EXOC6: variants seen among roughly 807,000 people sequenced by gnomAD.
EXOC6 encodes the protein exocyst complex component 6.
A neutral mutation model predicts 112.5 loss-of-function variants in EXOC6; 60 were observed. That is an observed-to-expected ratio of 0.53 (90% CI 0.43 to 0.66). The LOEUF (loss-of-function observed/expected upper bound fraction) is 0.66, where lower values mean the gene tolerates loss of function less well. Ranked by LOEUF, EXOC6 falls within the 30% of genes least tolerant of loss-of-function variation. The probability of loss-of-function intolerance (pLI) is 0.00; values close to 1 mark genes in which losing one functional copy is unlikely to be tolerated. For synonymous variants in EXOC6, 295 were observed against 308.0 expected, an observed-to-expected ratio of 0.96 and a Z score of 0.44; for missense variants, 855 against 957.1, an observed-to-expected ratio of 0.89 and a Z score of 1.41.
chr10:92,971,731 T>C (rs1439993930), intron 17 of EXOC6, among the ~76,000 whole-genome samples: 2 of 152,196 alleles, frequency 1.3e-5, no homozygotes, highest in African/African-American at 4.8e-5. Context: ...TAATTTTCTT[T>C]TAGTTCTTTA....
chr10:92,910,855 G>A (rs1850709539), intron 6 of EXOC6, among the ~76,000 whole-genome samples: 1 of 119,634 alleles, frequency 8.4e-6, no homozygotes, highest in African/African-American at 3.2e-5. Flanking sequence ...CGTGAACCCA[G>A]GAAGCGGAGC....
At chr10:92,899,713 T>C in intron 5 of EXOC6, 69 bp downstream of exon 5, 1 of 1,118,114 alleles carries the variant, frequency 8.9e-7, no homozygotes, top group Non-Finnish European at 1.3e-6. Flanking sequence ...CAGATACATT[T>C]ACTATAAATC....
At chr10:92,867,901 T>G (rs1312058151) in intron 1 of EXOC6, among the ~76,000 whole-genome samples, 1 of 152,200 alleles carries the variant, frequency 6.6e-6, no homozygotes, top group Non-Finnish European at 1.5e-5. Context: ...TTTATAAAGT[T>G]GTAAAATAGC....
intron 18 of EXOC6, among the ~76,000 whole-genome samples, chr10:92,980,740 A>T (rs1240377005): frequency 6.6e-6 from 1 of 152,238 alleles, no homozygotes; most frequent in Non-Finnish European, 1.5e-5. Flanking sequence ...TACCCTTGGA[A>T]ATCATGCCAA....
At chr10:92,896,171 ATATATATATATT>A (rs1849791587) in intron 4 of EXOC6, among the ~76,000 whole-genome samples, 3 of 25,222 alleles carry the variant, frequency 1.2e-4, no homozygotes, top group East Asian at 2.3e-3. Context: ...ATATATATAT[ATATATATATATT>A]TTTTTTTTTT....
At chr10:93,019,227 G>T (rs111948192) in intron 20 of EXOC6, among the ~76,000 whole-genome samples, 1 of 151,972 alleles carries the variant, frequency 6.6e-6, no homozygotes, top group Non-Finnish European at 1.5e-5. Flanking sequence ...CAATCCACCC[G>T]CCTCGGCCTC....
chr10:93,016,633 G>A (rs1375965152), intron 20 of EXOC6, among the ~76,000 whole-genome samples: 1 of 152,152 alleles, frequency 6.6e-6, no homozygotes, highest in African/African-American at 2.4e-5. Flanking sequence ...TGTCAAATAA[G>A]AAATGGTATT....
intron 21 of EXOC6, 129 bp downstream of exon 21, chr10:93,057,165 A>G: frequency 2.0e-6 from 1 of 502,888 alleles, no homozygotes; most frequent in South Asian, 4.0e-5. Flanking sequence ...CTCTAGTTTA[A>G]TGACCAAAAA....
chr10:93,044,824 T>C (rs1007686411), intron 20 of EXOC6, among the ~76,000 whole-genome samples: 2 of 152,168 alleles, frequency 1.3e-5, no homozygotes, highest in South Asian at 2.1e-4. Flanking sequence ...AATAAGAGAA[T>C]AAGGTGCCTC....
chr10:92,992,286 T>TTA (rs1564892831), intron 18 of EXOC6, among the ~76,000 whole-genome samples: 6 of 24,566 alleles, frequency 2.4e-4, no homozygotes, highest in African/African-American at 8.0e-4. Flanking sequence ...AGACTCTGTC[T>TTA]CAAAAAAAAA....
chr10:92,991,725 TTCTCTCTCTCTC>T (rs72252880), intron 18 of EXOC6, among the ~76,000 whole-genome samples: 4 of 149,002 alleles, frequency 2.7e-5, no homozygotes, highest in East Asian at 2.0e-4. Flanking sequence ...CACGTTCTAT[TTCTCTCTCTCTC>T]TCTCTCTCTC....
intron 1 of EXOC6, among the ~76,000 whole-genome samples, chr10:92,885,824 T>TTTTA (rs962493497): frequency 2.6e-5 from 4 of 152,156 alleles, no homozygotes; most frequent in South Asian, 2.1e-4. Flanking sequence ...ACAAATTTTA[T>TTTTA]TTTATTTATT....
upstream of EXOC6, among the ~76,000 whole-genome samples, chr10:92,847,426 G>A (rs565700514): frequency 2.0e-5 from 3 of 152,322 alleles, no homozygotes; most frequent in South Asian, 6.2e-4. Context: ...GGATGTTTGT[G>A]GGGAGGAGGC....
At chr10:92,864,133 T>C (rs1848052402) in intron 1 of EXOC6, among the ~76,000 whole-genome samples, 2 of 152,064 alleles carry the variant, frequency 1.3e-5, no homozygotes, top group African/African-American at 4.8e-5. Flanking sequence ...AAAGTCCCTA[T>C]GAAACACAGA....
rs75280156 is a variant in EXOC6, at chr10:93,014,808, G to A, written c.2169+541G>A. Reference sequence around the variant, plus strand: ...CTTTTCTGGCCACAATACTCTAAGTGTAGTAACAAATATGGTCATTTAAAA... The same window carrying A: ...CTTTTCTGGCCACAATACTCTAAGTATAGTAACAAATATGGTCATTTAAAA... On this transcript the variant is annotated intron_variant, in intron 20 of 21. Coordinates refer to ENST00000260762, the MANE Select transcript of EXOC6 (RefSeq NM_019053.6). Among the ~76,000 whole-genome samples, 47 of 152,244 alleles carry A rather than the reference G, an allele frequency of 3.1e-4. No homozygotes were observed. In the East Asian group the frequency reaches 8.7e-3, roughly 28 times the overall value.
At chr10:93,033,550 C>T (rs564014877) in intron 20 of EXOC6, among the ~76,000 whole-genome samples, 2 of 152,278 alleles carry the variant, frequency 1.3e-5, no homozygotes, top group Non-Finnish European at 2.9e-5. Context: ...CTCATTTTCT[C>T]GTGGCCCTGG....
intron 19 of EXOC6, among the ~76,000 whole-genome samples, chr10:93,008,456 A>G (rs959003376): frequency 3.3e-5 from 5 of 152,172 alleles, no homozygotes; most frequent in African/African-American, 7.2e-5. Context: ...ATAGGGGGGG[A>G]AGTGGGCATT....
chr10:93,040,742 A>G (rs1845726522), intron 20 of EXOC6, among the ~76,000 whole-genome samples: 1 of 152,186 alleles, frequency 6.6e-6, no homozygotes, highest in Non-Finnish European at 1.5e-5. Context: ...AGGCCAGTAG[A>G]CATTTTTAGC....
intron 13 of EXOC6, among the ~76,000 whole-genome samples, chr10:92,941,870 C>CTTCT (rs1178764643): frequency 1.3e-5 from 2 of 152,124 alleles, no homozygotes; most frequent in Non-Finnish European, 2.9e-5. Context: ...TCCTCCCTCC[C>CTTCT]TTCTTTCTTT....
Sources: gnomAD v4.1 joint callset for allele counts (sites outside exome capture counted in the v4.1 genomes callset) on GRCh38, gnomAD v4.1.1 for gene constraint, MANE v1.5 for transcripts, NCBI Gene and HGNC (gene_info 2026-07-23, HGNC 2026-07-21) for gene names.